The following EIF4H variants were observed in gnomAD, a reference collection of about 807,000 sequenced individuals.
EIF4H encodes the protein eukaryotic translation initiation factor 4H, also known as Williams-Beuren syndrome chromosome region 1.
A neutral mutation model predicts 30.6 loss-of-function variants in EIF4H; 8 were observed. The observed-to-expected ratio is 0.26, with a 90% CI of 0.15 to 0.47. EIF4H has a LOEUF of 0.47. Among genes scored for constraint, EIF4H ranks in the 20% least tolerant of loss-of-function variants. EIF4H has a pLI of 0.99. For missense variants in EIF4H, 188 were observed against 339.5 expected (o/e 0.55, Z 3.51); for synonymous variants, 106 against 122.7 (o/e 0.86, Z 0.90).
chr7:74,180,659 C>G (rs892486167), intron 1 of EIF4H, among the ~76,000 whole-genome samples: 20 of 152,170 alleles, frequency 1.3e-4, no homozygotes, highest in African/African-American at 4.3e-4. Context: ...ACACTGGAGC[C>G]TATGAAGAAG....
intron 5 of EIF4H, among the ~76,000 whole-genome samples, chr7:74,192,510 A>G (rs1801242197): frequency 6.6e-6 from 1 of 151,724 alleles, no homozygotes. Flanking sequence ...AAAGAATAGA[A>G]ATCGGCCCCC....
chr7:74,178,855 C>CA (rs1800896342), intron 1 of EIF4H, among the ~76,000 whole-genome samples: 1 of 152,162 alleles, frequency 6.6e-6, no homozygotes, highest in South Asian at 2.1e-4. Context: ...GAAGTTTCCC[C>CA]ACGTCATGAT....
At chr7:74,187,535 T>C in intron 1 of EIF4H, 76 bp from the exon 2 acceptor site, 1 of 1,389,380 alleles carries the variant, frequency 7.2e-7, no homozygotes, top group Non-Finnish European at 9.5e-7. Flanking sequence ...GCGGCGTAGC[T>C]CAGCGGAAGA....
rs369255921 is a variant in EIF4H at position 74,190,313 on chromosome 7, G to C, written c.469+7G>C. 18 of 1,613,888 alleles carry C rather than the reference G, an allele frequency of 1.1e-5. No homozygotes were observed. The highest frequency in any genetic ancestry group is 1.4e-5 in the Non-Finnish European group (17 of 1,179,728). Reference sequence around the variant, plus strand: ...CGGGATGACTTCAATTCTGGTATCAGTATTTAAAGTATCACCACTTAATTT... The same window carrying C: ...CGGGATGACTTCAATTCTGGTATCACTATTTAAAGTATCACCACTTAATTT... On this transcript the variant is annotated splice_region_variant and intron_variant, in intron 5 of 6. Transcript: ENST00000265753.
At chr7:74,191,239 G>A in intron 5 of EIF4H, 1 of 534,220 alleles carries the variant, frequency 1.9e-6, no homozygotes, top group Non-Finnish European at 3.8e-6. Context: ...GTGCAGTATG[G>A]TGAAGTCAAT....
intron 1 of EIF4H, among the ~76,000 whole-genome samples, chr7:74,184,779 T>C (rs1294254237): frequency 6.6e-6 from 1 of 152,164 alleles, no homozygotes; most frequent in African/African-American, 2.4e-5. Flanking sequence ...CAGTCTCAGC[T>C]CACTGCAAGC....
rs782016306 is a variant in EIF4H, at chr7:74,174,400, C to T, written c.17C>T (p.Thr6Ile). 4 of 1,462,898 alleles carry T rather than the reference C, an allele frequency of 2.7e-6. No homozygotes were observed. Among genetic ancestry groups the T allele is most frequent in the Admixed American group, 2.1e-5 (1 of 48,770 alleles). 90.6% of individuals were successfully genotyped at this position (1,462,898 alleles called of 1,614,324 possible). MADFD[T>I]YDDRAYSSFG... ...AGACGGCAAATGGCGGACTTCGACA[C>T]CTACGACGATCGGGCCTACAGCAGC... Residue 6 changes from threonine to isoleucine, a missense_variant, in exon 1 of 7, where the codon ACC becomes ATC. Physicochemically the swap from Thr to Ile is moderately conservative, Grantham distance 89 (BLOSUM62 -1). Around this residue, in one of 4 missense-constraint regions of EIF4H, gnomAD observed 43 missense variants for 43.4 expected, o/e 0.99. Coordinates refer to ENST00000265753, the MANE Select transcript of EIF4H (RefSeq NM_022170.2).
At chr7:74,175,282 T>C (rs1419785603) in intron 1 of EIF4H, among the ~76,000 whole-genome samples, 1 of 152,202 alleles carries the variant, frequency 6.6e-6, no homozygotes, top group Non-Finnish European at 1.5e-5. Flanking sequence ...TTTTTTTTAT[T>C]TTATTTTTTA....
intron 5 of EIF4H, among the ~76,000 whole-genome samples, chr7:74,193,848 C>T (rs1801282315): frequency 6.6e-6 from 1 of 152,098 alleles, no homozygotes; most frequent in African/African-American, 2.4e-5. Flanking sequence ...CCTATACTCA[C>T]CTCCCACCTC....
rs1162661029 is a variant in EIF4H at position 74,186,817 on chromosome 7, T to A, written c.60-794T>A. On this transcript the variant is annotated intron_variant, in intron 1 of 6. Coordinates refer to ENST00000265753, the MANE Select transcript of EIF4H (RefSeq NM_022170.2). The stretch of plus-strand genomic sequence containing the variant: ...TTTTTTTTTTTTTTTTTTTTTTTTT[T>A]TTTTTTTTTTTTTTTTTTTTTTTGA... Among the ~76,000 whole-genome samples the A allele has an allele frequency of 8.3e-4, 71 of 85,666 alleles. 7 individuals carry two copies. The highest frequency in any genetic ancestry group is 3.2e-3 in the South Asian group (8 of 2,476). 56.2% of individuals were successfully genotyped at this position (85,666 alleles called of 152,430 possible).
chr7:74,195,041 T>C, intron 6 of EIF4H, 128 bp from the exon 7 acceptor site: 1 of 1,524,424 alleles, frequency 6.6e-7, no homozygotes, highest in Non-Finnish European at 8.9e-7. Flanking sequence ...GAGCATCTGC[T>C]GTTGGGGTAG....
At chr7:74,184,233 G>A (rs563201841) in intron 1 of EIF4H, among the ~76,000 whole-genome samples, 7 of 152,268 alleles carry the variant, frequency 4.6e-5, no homozygotes, top group Non-Finnish European at 7.4e-5. Flanking sequence ...GCAGTGCCCC[G>A]TCATCTTACT....
rs1312340390 is a variant in EIF4H, at chr7:74,195,426, C to T, written c.*118C>T. On this transcript the variant is annotated 3_prime_UTR_variant, in exon 7 of 7. Transcript: ENST00000265753. ...GCGCCTGCCATTGGCCTCCTCACAG[C>T]GGAAACACAGCTTGTGAGTGCATGT... The T allele has an allele frequency of 3.3e-6, 4 of 1,201,260 alleles. No homozygotes were observed. Among genetic ancestry groups the T allele is most frequent in the African/African-American group, 1.5e-5 (1 of 65,302 alleles). 74.4% of individuals were successfully genotyped at this position (1,201,260 alleles called of 1,614,324 possible).
chr7:74,195,701 C>A lies in EIF4H; in HGVS notation c.*393C>A. On this transcript the variant is annotated 3_prime_UTR_variant, in exon 7 of 7. Coordinates refer to ENST00000265753, the MANE Select transcript of EIF4H (RefSeq NM_022170.2). Reference sequence around the variant, plus strand: ...CTCTTTACTTTAGACACTGGCCCAACTCCAGGCGTTTCCTTTCATTCCCTC... The same window carrying A: ...CTCTTTACTTTAGACACTGGCCCAAATCCAGGCGTTTCCTTTCATTCCCTC... 1 of 167,660 alleles carries A rather than the reference C, an allele frequency of 6.0e-6. No individual in the cohort carries two copies. Among genetic ancestry groups the A allele is most frequent in the Non-Finnish European group, 1.3e-5 (1 of 76,600 alleles). 10.4% of individuals were successfully genotyped at this position (167,660 alleles called of 1,614,324 possible).
At chr7:74,179,213 CA>C (rs1800904097) in intron 1 of EIF4H, among the ~76,000 whole-genome samples, 1 of 152,182 alleles carries the variant, frequency 6.6e-6, no homozygotes, top group Non-Finnish European at 1.5e-5. Flanking sequence ...GAGGAGTAAT[CA>C]AATAATTCTG....
chr7:74,176,594 G>A (rs184149548), intron 1 of EIF4H, among the ~76,000 whole-genome samples: 61 of 152,312 alleles, frequency 4.0e-4, no homozygotes, highest in South Asian at 8.3e-4. Flanking sequence ...TGGGTCACAG[G>A]TGAAAGAAAT....
intron 1 of EIF4H, among the ~76,000 whole-genome samples, chr7:74,180,411 A>T (rs1800933407): frequency 6.6e-6 from 1 of 152,200 alleles, no homozygotes; most frequent in Non-Finnish European, 1.5e-5. Flanking sequence ...GGGTACTAAA[A>T]AGTGGGTCAC....
In EIF4H at chr7:74,196,445, T is replaced by C. The variant is rs1801353962; in HGVS notation, c.*1137T>C. Reference sequence around the variant, plus strand: ...CAGTAGAGGACTGCAGCTGTCTAGGTCTGCGGCCACATCTTGGGGACACAC... The same window carrying C: ...CAGTAGAGGACTGCAGCTGTCTAGGCCTGCGGCCACATCTTGGGGACACAC... On this transcript the variant is annotated 3_prime_UTR_variant, in exon 7 of 7. Coordinates refer to ENST00000265753, the MANE Select transcript of EIF4H (RefSeq NM_022170.2). 6.5e-6 allele frequency: 1 copy of C among 152,710 alleles called. No homozygotes were observed. The highest frequency in any genetic ancestry group is 2.4e-5 in the African/African-American group (1 of 41,472). The allele number at this position is 152,710 out of a possible 1,614,324, so 9.5% of individuals were successfully genotyped here.
chr7:74,197,049 T>C lies in EIF4H; in HGVS notation c.*1741T>C, dbSNP rs1239994544. ...ATGACAGAAAGTAAATCTATGGATATGGTATTTTGTGAATGATCTTTTAAA... is the reference window on the plus strand; with the variant it reads ...ATGACAGAAAGTAAATCTATGGATACGGTATTTTGTGAATGATCTTTTAAA... On this transcript the variant is annotated 3_prime_UTR_variant, in exon 7 of 7. Coordinates refer to ENST00000265753, the MANE Select transcript of EIF4H (RefSeq NM_022170.2). The C allele has an allele frequency of 2.0e-5, 3 of 152,476 alleles. No individual in the cohort carries two copies. The Admixed American group carries it at 2.0e-4, about 10-fold the overall frequency. The allele number at this position is 152,476 out of a possible 1,614,324, so 9.4% of individuals were successfully genotyped here.
Sources: gnomAD v4.1 joint callset for allele counts (sites outside exome capture counted in the v4.1 genomes callset) on GRCh38, gnomAD v4.1.1 for gene constraint, gnomAD v4.1.1 regional missense constraint, MANE v1.5 for transcripts, NCBI Gene and HGNC (gene_info 2026-07-23, HGNC 2026-07-21) for gene names.